Variants in LARGE1 observed in about 807,000 individuals in gnomAD.
LARGE1 encodes the protein LARGE xylosyl- and glucuronyltransferase 1, also known as xylosyl- and glucuronyltransferase LARGE1.
LARGE1 carries 43 observed loss-of-function variants against 87.6 expected under a neutral mutation model. The observed-to-expected ratio is 0.49, with a 90% CI of 0.38 to 0.63. LARGE1 has a LOEUF of 0.63. Among genes scored for constraint, LARGE1 ranks in the 30% least tolerant of loss-of-function variants. LARGE1 has a pLI of 0.00. For synonymous variants in LARGE1, 434 were observed against 394.6 expected, an observed-to-expected ratio of 1.10 and a Z score of -1.18; for missense variants, 802 against 1,000.2, an observed-to-expected ratio of 0.80 and a Z score of 2.67.
At chr22:33,626,442 A>C (rs2079925454) in intron 3 of LARGE1, 116 bp from the exon 4 acceptor site, 1 of 772,736 alleles carries the variant, frequency 1.3e-6, no homozygotes. Context: ...ATCATTAGAA[A>C]ACAAAGGACA....
At chr22:33,682,073 T>C (rs915096120) in intron 2 of LARGE1, among the ~76,000 whole-genome samples, 2 of 152,020 alleles carry the variant, frequency 1.3e-5, no homozygotes, top group African/African-American at 4.8e-5. Flanking sequence ...GCGTGGACAC[T>C]GCAAATTCCA....
At chr22:33,634,959 A>T (rs937975352) in intron 3 of LARGE1, among the ~76,000 whole-genome samples, 2 of 152,058 alleles carry the variant, frequency 1.3e-5, no homozygotes, top group African/African-American at 4.8e-5. Flanking sequence ...TACTAAAAAA[A>T]ATACAAAAAT....
intron 1 of LARGE1, among the ~76,000 whole-genome samples, chr22:33,898,442 C>T (rs1474240396): frequency 6.6e-6 from 1 of 152,224 alleles, no homozygotes; most frequent in Non-Finnish European, 1.5e-5. Flanking sequence ...TCTCCTTCCA[C>T]AAGATCATTA....
At chr22:33,208,921 A>G (rs1602095254) in intron 11 of LARGE1, among the ~76,000 whole-genome samples, 1 of 152,204 alleles carries the variant, frequency 6.6e-6, no homozygotes, top group African/African-American at 2.4e-5. Context: ...TTATGGCTGC[A>G]TAGTGTTCCA....
chr22:33,786,461 G>C (rs1242502738), intron 1 of LARGE1, among the ~76,000 whole-genome samples: 1 of 152,152 alleles, frequency 6.6e-6, no homozygotes, highest in Non-Finnish European at 1.5e-5. Flanking sequence ...GGTTACCTGG[G>C]AAAGGGTGGA....
At chr22:33,637,476 G>A (rs1262899794) in intron 3 of LARGE1, among the ~76,000 whole-genome samples, 2 of 152,086 alleles carry the variant, frequency 1.3e-5, no homozygotes, top group African/African-American at 4.8e-5. Context: ...CCTTCCCCCT[G>A]GTTTTCATGC....
At chr22:33,295,395 C>T (rs763554420) in intron 12 of LARGE1, among the ~76,000 whole-genome samples, 16 of 152,176 alleles carry the variant, frequency 1.1e-4, no homozygotes, top group African/African-American at 1.7e-4. Context: ...TGGGAGACTA[C>T]GAGAAGCCCT....
chr22:33,535,631 T>C (rs992755295), intron 6 of LARGE1, among the ~76,000 whole-genome samples: 2 of 151,500 alleles, frequency 1.3e-5, no homozygotes, highest in African/African-American at 4.8e-5. Context: ...GGAGAAGAGG[T>C]AGGGGTTCTA....
chr22:33,578,160 C>T (rs759791234), intron 5 of LARGE1, among the ~76,000 whole-genome samples: 5 of 152,162 alleles, frequency 3.3e-5, no homozygotes, highest in African/African-American at 7.2e-5. Flanking sequence ...GTTGTCAAGG[C>T]AACCAGATTG....
At chr22:33,388,003 T>G (rs1251824195) in intron 7 of LARGE1, among the ~76,000 whole-genome samples, 10 of 152,232 alleles carry the variant, frequency 6.6e-5, no homozygotes, top group Admixed American at 2.0e-4. Context: ...TTCCTAGGCT[T>G]GTTTTTATAT....
At chr22:33,161,636 C>T (rs142994639), downstream of LARGE1, among the ~76,000 whole-genome samples, 176 of 152,310 alleles carry the variant, frequency 1.2e-3, no homozygotes, top group Middle Eastern at 3.4e-3. Flanking sequence ...AGTCATGAGA[C>T]CTTAAAGTTC....
At chr22:33,770,993 C>T (rs1469481628) in intron 1 of LARGE1, among the ~76,000 whole-genome samples, 1 of 152,108 alleles carries the variant, frequency 6.6e-6, no homozygotes, top group Non-Finnish European at 1.5e-5. Context: ...CTTGTCATCA[C>T]CCAAAGCAGC....
chr22:33,331,760 C>T (rs1305434134), intron 10 of LARGE1, among the ~76,000 whole-genome samples: 2 of 152,124 alleles, frequency 1.3e-5, no homozygotes, highest in African/African-American at 4.8e-5. Context: ...TCTCAACTCC[C>T]AGCAGGTCCT....
chr22:33,695,185 C>T (rs1359061882), intron 2 of LARGE1, among the ~76,000 whole-genome samples: 1 of 151,260 alleles, frequency 6.6e-6, no homozygotes, highest in Non-Finnish European at 1.5e-5. Context: ...CTCACTGCAA[C>T]CTCTGCCTCC....
At position 33,789,771 on chromosome 22, in the gene LARGE1, G is replaced by T. The variant is rs569428007; in HGVS notation, c.-82-28213C>A. Among the ~76,000 whole-genome samples the T allele has an allele frequency of 2.6e-5, 4 of 152,286 alleles. No individual in the cohort carries two copies. In the East Asian group the frequency reaches 7.7e-4, roughly 29 times the overall value. ...CAGGGCCTGTAGTTCCTTCATTTTG[G>T]CCAATGTCTCCAATTTGGAATGGGA... On this transcript the variant is annotated intron_variant, in intron 1 of 14. Transcript: ENST00000397394.
chr22:33,176,856 A>G (rs1048132615), intron 11 of LARGE1, among the ~76,000 whole-genome samples: 2 of 152,182 alleles, frequency 1.3e-5, no homozygotes, highest in African/African-American at 4.8e-5. Context: ...ACACATGTAC[A>G]TGTATGTTTA....
At chr22:33,866,875 G>A (rs575198122) in intron 1 of LARGE1, among the ~76,000 whole-genome samples, 2 of 152,216 alleles carry the variant, frequency 1.3e-5, no homozygotes, top group Admixed American at 1.3e-4. Flanking sequence ...CTAGGCACCA[G>A]AGACATAGAA....
chr22:33,702,198 T>C (rs1317355615), intron 2 of LARGE1, among the ~76,000 whole-genome samples: 1 of 152,242 alleles, frequency 6.6e-6, no homozygotes, highest in Non-Finnish European at 1.5e-5. Context: ...TTACATGCAC[T>C]AAGACCTTGC....
At chr22:33,876,888 C>T (rs1352895682) in intron 1 of LARGE1, among the ~76,000 whole-genome samples, 1 of 150,008 alleles carries the variant, frequency 6.7e-6, no homozygotes, top group East Asian at 1.9e-4. Context: ...TGGCATGGGA[C>T]ACAAAAACTG....
Sources: gnomAD v4.1 joint callset for allele counts (sites outside exome capture counted in the v4.1 genomes callset) on GRCh38, gnomAD v4.1.1 for gene constraint, MANE v1.5 for transcripts, NCBI Gene and HGNC (gene_info 2026-07-23, HGNC 2026-07-21) for gene names.